The following ALDH18A1 variants were observed in gnomAD, a reference collection of about 807,000 sequenced individuals.
ALDH18A1 encodes delta-1-pyrroline-5-carboxylate synthase.
ALDH18A1 carries 44 observed loss-of-function variants against 88.8 expected under a neutral mutation model. The observed-to-expected ratio is 0.50, with a 90% CI of 0.39 to 0.64. The LOEUF (loss-of-function observed/expected upper bound fraction) is 0.64. Among genes scored for constraint, ALDH18A1 ranks in the 30% least tolerant of loss-of-function variants. The pLI is 0.00. For synonymous variants in ALDH18A1, 331 were observed against 372.1 expected, an observed-to-expected ratio of 0.89 and a Z score of 1.27; for missense variants, 782 against 1,009.5, an observed-to-expected ratio of 0.77 and a Z score of 3.05.
chr10:95,620,247 C>T (rs1422597989), intron 12 of ALDH18A1, among the ~76,000 whole-genome samples: 1 of 152,184 alleles, frequency 6.6e-6, no homozygotes, highest in Non-Finnish European at 1.5e-5. Context: ...CCATCTCATG[C>T]CTGTTAGAAT....
At chr10:95,616,455 T>C in intron 13 of ALDH18A1, 22 bp downstream of exon 13, 1 of 1,556,644 alleles carries the variant, frequency 6.4e-7, no homozygotes, top group Non-Finnish European at 8.7e-7. Context: ...GGGCCTGACT[T>C]GGTGCATTCC....
chr10:95,641,999 AT>A (rs1363771589), intron 3 of ALDH18A1, among the ~76,000 whole-genome samples: 3 of 152,144 alleles, frequency 2.0e-5, no homozygotes, highest in Non-Finnish European at 4.4e-5. Flanking sequence ...ATAATTTAGA[AT>A]AGAAAATATA....
intron 11 of ALDH18A1, among the ~76,000 whole-genome samples, chr10:95,621,484 T>C (rs1484038088): frequency 6.6e-6 from 1 of 152,010 alleles, no homozygotes; most frequent in Non-Finnish European, 1.5e-5. Flanking sequence ...CAGGCCTGGC[T>C]TATTTTTGTA....
intron 12 of ALDH18A1, among the ~76,000 whole-genome samples, chr10:95,617,649 C>G (rs2139556421): frequency 6.6e-6 from 1 of 152,316 alleles, no homozygotes; most frequent in South Asian, 2.1e-4. Flanking sequence ...TAAACTTTCT[C>G]CAGACATAAA....
At chr10:95,632,081 G>A (rs570023332) in intron 7 of ALDH18A1, among the ~76,000 whole-genome samples, 2 of 152,308 alleles carry the variant, frequency 1.3e-5, no homozygotes, top group South Asian at 2.1e-4. Context: ...GCTGTAAAAT[G>A]GATGAACCTT....
At chr10:95,622,788 C>A (rs551164033) in intron 11 of ALDH18A1, among the ~76,000 whole-genome samples, 2 of 152,084 alleles carry the variant, frequency 1.3e-5, no homozygotes, top group Non-Finnish European at 2.9e-5. Flanking sequence ...CTGCCCACCT[C>A]GGCCTCCCAA....
At chr10:95,631,156 T>G (rs1483205691) in intron 7 of ALDH18A1, among the ~76,000 whole-genome samples, 1 of 152,140 alleles carries the variant, frequency 6.6e-6, no homozygotes, top group African/African-American at 2.4e-5. Flanking sequence ...GGAAATAGCT[T>G]AAGAAAGCTT....
chr10:95,626,277 CT>C (rs1201171171), intron 10 of ALDH18A1, among the ~76,000 whole-genome samples: 1 of 152,174 alleles, frequency 6.6e-6, no homozygotes, highest in African/African-American at 2.4e-5. Flanking sequence ...CTCATCATGT[CT>C]GCTACTTAGA....
At chr10:95,610,989 T>C (rs193253705) in intron 16 of ALDH18A1, among the ~76,000 whole-genome samples, 47 of 152,326 alleles carry the variant, frequency 3.1e-4, no homozygotes, top group African/African-American at 1.1e-3. Context: ...CTTGTAAGAT[T>C]TGCTGCACGC....
At chr10:95,642,457 A>G (rs896259951) in intron 3 of ALDH18A1, among the ~76,000 whole-genome samples, 2 of 152,146 alleles carry the variant, frequency 1.3e-5, no homozygotes, top group Admixed American at 1.3e-4. Context: ...TCTACGAAAA[A>G]TACAAAAATT....
intron 11 of ALDH18A1, among the ~76,000 whole-genome samples, chr10:95,622,152 T>C (rs192215048): frequency 6.6e-6 from 1 of 152,320 alleles, no homozygotes; most frequent in East Asian, 1.9e-4. Context: ...AAATAAAATG[T>C]TAAATATTTT....
At chr10:95,640,274 GT>G (rs1273844960) in intron 3 of ALDH18A1, among the ~76,000 whole-genome samples, 3 of 148,606 alleles carry the variant, frequency 2.0e-5, no homozygotes, top group Non-Finnish European at 3.0e-5. Flanking sequence ...GGCCAATGAA[GT>G]TTTTTTTTTA....
intron 3 of ALDH18A1, among the ~76,000 whole-genome samples, chr10:95,640,343 C>T (rs920947776): frequency 7.9e-6 from 1 of 127,264 alleles, no homozygotes; most frequent in South Asian, 2.5e-4. Context: ...CAGTGATTCC[C>T]TTTTTTCTTT....
At position 95,621,163 on chromosome 10, in the gene ALDH18A1, G is replaced by A. The variant is rs771965130; in HGVS notation, c.1335C>T (p.Ala445=). 29 of 1,613,988 alleles carry A rather than the reference G, an allele frequency of 1.8e-5. No homozygotes were observed. The highest frequency in any genetic ancestry group is 2.2e-5 in the Non-Finnish European group (26 of 1,180,032). Residue 445 remains alanine (A), a synonymous_variant, in exon 12 of 18, where the codon GCC becomes GCT. Transcript: ENST00000371224. ...CACGTCCCACGCTGTCCTGGGAGGA[G>A]GCTGCGATCTGTCGCAGACCGATGG... The part of the protein sequence containing the change: ...SLAIGLRQIA[A]SSQDSVGRVL...
Position 95,637,317 on chromosome 10 carries a change from G to A in ALDH18A1, c.423C>T (p.Leu141=). 5 of 1,614,236 alleles carry A rather than the reference G, an allele frequency of 3.1e-6. No homozygotes were observed. The highest frequency in any genetic ancestry group is 4.2e-6 in the Non-Finnish European group (5 of 1,180,048). ...CTTTCAGCTGGTTCTGCCCCGAGTG[G>A]AGGGCCTGCCGCACGCTCTGAGACA... The part of the protein sequence containing the change: ...ILLSQSVRQA[L]HSGQNQLKEM... The change falls in exon 4 of 18, where the codon CTC becomes CTT. Residue 141 remains leucine (L), a synonymous_variant. Transcript: ENST00000371224.
intron 2 of ALDH18A1, among the ~76,000 whole-genome samples, chr10:95,643,450 A>G (rs2097895684): frequency 6.6e-6 from 1 of 152,166 alleles, no homozygotes; most frequent in South Asian, 2.1e-4. Flanking sequence ...TGAAGAGTAC[A>G]AACAAATTAA....
At chr10:95,630,369 AT>A (rs1466623644) in intron 7 of ALDH18A1, among the ~76,000 whole-genome samples, 1 of 152,246 alleles carries the variant, frequency 6.6e-6, no homozygotes, top group Non-Finnish European at 1.5e-5. Context: ...AATAAATTAC[AT>A]TTATCAAGCA....
At chr10:95,619,017 T>C (rs2097848125) in intron 12 of ALDH18A1, among the ~76,000 whole-genome samples, 1 of 152,194 alleles carries the variant, frequency 6.6e-6, no homozygotes, top group Admixed American at 6.6e-5. Flanking sequence ...TCAAAAATTA[T>C]CTTTTTTTTG....
chr10:95,655,026 A>AATATG lies in ALDH18A1; in HGVS notation c.-29+1566_-29+1570dup, dbSNP rs1381197226. Reference sequence around the variant, plus strand: ...TCTGGATTACAAACTTTCCATTGACAATATGGCAAAAACGATGAGGAACAA... The same window carrying AATATG: ...TCTGGATTACAAACTTTCCATTGACAATATGATATGGCAAAAACGATGAGGAACAA... On this transcript the variant is annotated intron_variant, in intron 1 of 17. Transcript: ENST00000371224. 5.9e-5 allele frequency among the ~76,000 whole-genome samples: 9 copies of AATATG among 152,248 alleles called. No individual in the cohort carries two copies. The East Asian group carries it at 1.7e-3, about 29-fold the overall frequency.
Sources: allele counts gnomAD v4.1 joint callset (sites outside exome capture counted in the v4.1 genomes callset), GRCh38; gene constraint gnomAD v4.1.1; transcripts MANE v1.5; gene names NCBI Gene and HGNC (gene_info 2026-07-23, HGNC 2026-07-21).